The following SYT1 variants were observed in gnomAD, a reference collection of about 807,000 sequenced individuals.
SYT1 encodes the protein synaptotagmin 1, also known as synaptotagmin-1.
Under a neutral mutation model 44.8 loss-of-function variants are expected in SYT1, and 8 were observed. That is an observed-to-expected ratio of 0.18 (90% CI 0.10 to 0.32). SYT1 has a LOEUF of 0.32. SYT1 is among the 10% of genes least tolerant of loss of function. The pLI is 1.00. For synonymous variants in SYT1, 154 were observed against 188.8 expected, an observed-to-expected ratio of 0.82 and a Z score of 1.51; for missense variants, 286 against 509.3, an observed-to-expected ratio of 0.56 and a Z score of 4.22.
At chr12:79,058,397 T>A (rs1230966984) in intron 3 of SYT1, among the ~76,000 whole-genome samples, 1 of 152,062 alleles carries the variant, frequency 6.6e-6, no homozygotes. Flanking sequence ...ATGTGAAAAA[T>A]AACTAAAGCC....
intron 9 of SYT1, among the ~76,000 whole-genome samples, chr12:79,439,727 C>T (rs1187042341): frequency 6.6e-6 from 1 of 152,108 alleles, no homozygotes; most frequent in African/African-American, 2.4e-5. Context: ...CACTACTTTA[C>T]AGTTGAGGGA....
At chr12:78,987,444 G>C (rs906574223) in intron 2 of SYT1, among the ~76,000 whole-genome samples, 2 of 151,634 alleles carry the variant, frequency 1.3e-5, no homozygotes, top group Non-Finnish European at 2.9e-5. Flanking sequence ...AGATGTGGGG[G>C]AAAAAAAGAC....
At chr12:79,065,342 T>C (rs1875762088) in intron 3 of SYT1, among the ~76,000 whole-genome samples, 1 of 152,124 alleles carries the variant, frequency 6.6e-6, no homozygotes, top group Non-Finnish European at 1.5e-5. Context: ...AGTGAGCCTT[T>C]AGTGTGCCAC....
intron 2 of SYT1, among the ~76,000 whole-genome samples, chr12:79,009,640 T>C (rs377616429): frequency 2.6e-5 from 4 of 152,284 alleles, no homozygotes; most frequent in African/African-American, 9.6e-5. Flanking sequence ...AGGTTAAACA[T>C]TGTGCCAATA....
chr12:78,946,099 T>C (rs1042872507), intron 1 of SYT1, among the ~76,000 whole-genome samples: 1 of 152,124 alleles, frequency 6.6e-6, no homozygotes, highest in Non-Finnish European at 1.5e-5. Flanking sequence ...ACACAAATAG[T>C]TATATATTAG....
chr12:79,109,507 A>T (rs1466263696), intron 3 of SYT1, among the ~76,000 whole-genome samples: 2 of 152,200 alleles, frequency 1.3e-5, no homozygotes, highest in Non-Finnish European at 2.9e-5. Context: ...CATTTAACTT[A>T]CTTGAGCCAA....
intron 1 of SYT1, among the ~76,000 whole-genome samples, chr12:78,958,700 GA>G (rs538473382): frequency 0.03 from 4,253 of 141,854 alleles, 186 homozygotes; most frequent in African/African-American, 0.1. Context: ...TTTCTGAAGA[GA>G]AAAAAAAAAA....
At chr12:79,017,019 A>G (rs949579248) in intron 2 of SYT1, among the ~76,000 whole-genome samples, 10 of 152,238 alleles carry the variant, frequency 6.6e-5, no homozygotes, top group African/African-American at 2.4e-4. Context: ...ATTTTCTTAC[A>G]TCCATCACTT....
At chr12:79,162,113 ATGT>A (rs1870984584) in intron 3 of SYT1, among the ~76,000 whole-genome samples, 1 of 152,168 alleles carries the variant, frequency 6.6e-6, no homozygotes, top group Non-Finnish European at 1.5e-5. Flanking sequence ...ATGTAAGATG[ATGT>A]TAAGAGCACC....
At chr12:79,244,268 T>C (rs571301101) in intron 4 of SYT1, among the ~76,000 whole-genome samples, 2 of 152,366 alleles carry the variant, frequency 1.3e-5, no homozygotes, top group African/African-American at 4.8e-5. Context: ...TACAATTTGC[T>C]AAACCTTTTT....
At chr12:79,074,829 C>A (rs1283776323) in intron 3 of SYT1, among the ~76,000 whole-genome samples, 2 of 152,112 alleles carry the variant, frequency 1.3e-5, no homozygotes, top group Admixed American at 1.3e-4. Flanking sequence ...TCCCTGTCTT[C>A]CCTCTTTGGA....
chr12:79,071,380 G>A (rs1216371947), intron 3 of SYT1, among the ~76,000 whole-genome samples: 1 of 152,064 alleles, frequency 6.6e-6, no homozygotes, highest in Non-Finnish European at 1.5e-5. Context: ...TAAGAGAGTG[G>A]GGGAACCCAA....
intron 1 of SYT1, among the ~76,000 whole-genome samples, chr12:78,903,580 T>C (rs765893569): frequency 2.6e-5 from 4 of 152,094 alleles, no homozygotes; most frequent in Non-Finnish European, 4.4e-5. Flanking sequence ...CCACCGCACC[T>C]GGATAAAATA....
chr12:79,108,027 TTAACA>T (rs573236563), intron 3 of SYT1, among the ~76,000 whole-genome samples: 91 of 152,134 alleles, frequency 6.0e-4, no homozygotes, highest in African/African-American at 2.1e-3. Flanking sequence ...TGTTAAGAAC[TTAACA>T]TAATCATAAA....
At chr12:78,887,626 G>C (rs531933247) in intron 1 of SYT1, among the ~76,000 whole-genome samples, 1 of 152,000 alleles carries the variant, frequency 6.6e-6, no homozygotes, top group South Asian at 2.1e-4. Flanking sequence ...CTACGGATAA[G>C]GGAGGATTTC....
intron 8 of SYT1, among the ~76,000 whole-genome samples, chr12:79,313,265 T>C (rs189582818): frequency 9.2e-5 from 14 of 152,262 alleles, no homozygotes; most frequent in African/African-American, 3.4e-4. Context: ...CCATTAGTTA[T>C]TGAACTTTCT....
intron 3 of SYT1, among the ~76,000 whole-genome samples, chr12:79,156,153 A>G (rs1029024827): frequency 6.6e-6 from 1 of 152,170 alleles, no homozygotes; most frequent in African/African-American, 2.4e-5. Flanking sequence ...TTTACAAGTG[A>G]CAAAACCGGA....
chr12:79,245,487 AAAG>A lies in SYT1; in HGVS notation c.166+27805_166+27807del, dbSNP rs1427715357. On this transcript the variant is annotated intron_variant, in intron 4 of 10. Coordinates refer to ENST00000261205, the MANE Select transcript of SYT1 (RefSeq NM_005639.3). Reference sequence around the variant, plus strand: ...GACTCCGTCAACAAAAAAAAAAAAAAAAGAAAAGAAAAAAGAAAAAAAAAACTT... The same window carrying A: ...GACTCCGTCAACAAAAAAAAAAAAAAAAAAGAAAAAAGAAAAAAAAAACTT... Among the ~76,000 whole-genome samples the A allele has an allele frequency of 6.1e-5, 9 of 148,472 alleles. 2 individuals are homozygous for A. Among genetic ancestry groups the A allele is most frequent in the East Asian group, 3.9e-4 (2 of 5,148 alleles).
intron 3 of SYT1, among the ~76,000 whole-genome samples, chr12:79,064,616 G>A (rs1875624717): frequency 1.3e-5 from 2 of 152,018 alleles, no homozygotes; most frequent in Admixed American, 6.6e-5. Flanking sequence ...TATGTGAAAT[G>A]AGAAGACTAA....
Sources: allele counts gnomAD v4.1 joint callset (sites outside exome capture counted in the v4.1 genomes callset), GRCh38; gene constraint gnomAD v4.1.1; transcripts MANE v1.5; gene names NCBI Gene and HGNC (gene_info 2026-07-23, HGNC 2026-07-21).